The following SPATA13 variants were observed in gnomAD, a reference collection of about 807,000 sequenced individuals.
SPATA13 encodes the protein spermatogenesis-associated protein 13.
SPATA13 carries 50 observed loss-of-function variants against 104.0 expected under a neutral mutation model. The observed-to-expected ratio is 0.48, with a 90% CI of 0.38 to 0.61. The LOEUF (loss-of-function observed/expected upper bound fraction) is 0.61, where lower values mean the gene tolerates loss of function less well. Ranked by LOEUF, SPATA13 falls within the 20% of genes least tolerant of loss-of-function variation. SPATA13 has a pLI of 0.00. For synonymous variants in SPATA13, 606 were observed against 667.5 expected, an observed-to-expected ratio of 0.91 and a Z score of 1.42; for missense variants, 1,524 against 1,690.6, an observed-to-expected ratio of 0.90 and a Z score of 1.73.
intron 1 of SPATA13, among the ~76,000 whole-genome samples, chr13:24,168,325 A>G (rs138158099): frequency 5.3e-5 from 8 of 152,310 alleles, no homozygotes; most frequent in African/African-American, 1.9e-4. Flanking sequence ...AATTAATGAC[A>G]TACATGAAAA....
upstream of SPATA13, among the ~76,000 whole-genome samples, chr13:24,157,083 C>A (rs1220580): frequency 0.98 from 149,401 of 152,290 alleles, 73,361 homozygotes; most frequent in East Asian, 1. Flanking sequence ...TTCCCTAACC[C>A]GGTCTAGACC....
chr13:24,115,477 C>A (rs369701127), intron 3 of SPATA13, among the ~76,000 whole-genome samples: 1 of 152,226 alleles, frequency 6.6e-6, no homozygotes, highest in Non-Finnish European at 1.5e-5. Flanking sequence ...TATTGCAAAC[C>A]GCGCATGCGA....
intron 4 of SPATA13, among the ~76,000 whole-genome samples, chr13:24,269,786 G>C (rs1198954155): frequency 8.7e-6 from 1 of 115,590 alleles, no homozygotes; most frequent in Non-Finnish European, 1.7e-5. Flanking sequence ...ACAGGACCTT[G>C]CTATGTTGCC....
chr13:24,096,661 G>A (rs900014144), intron 3 of SPATA13, among the ~76,000 whole-genome samples: 1 of 152,080 alleles, frequency 6.6e-6, no homozygotes, highest in African/African-American at 2.4e-5. Flanking sequence ...CCACTAGGAT[G>A]AAGTGAGAAA....
At chr13:24,109,079 AG>A (rs1189882875) in intron 3 of SPATA13, among the ~76,000 whole-genome samples, 1 of 152,110 alleles carries the variant, frequency 6.6e-6, no homozygotes, top group East Asian at 1.9e-4. Flanking sequence ...CATTTACATT[AG>A]GTATTTCTCC....
intron 2 of SPATA13, among the ~76,000 whole-genome samples, chr13:23,991,172 A>G (rs1875395550): frequency 1.3e-5 from 2 of 152,178 alleles, no homozygotes; most frequent in Non-Finnish European, 2.9e-5. Flanking sequence ...GCTGGTGAGG[A>G]AGGGATGGAT....
intron 1 of SPATA13, among the ~76,000 whole-genome samples, chr13:24,170,163 T>A (rs1456824513): frequency 6.6e-6 from 1 of 152,218 alleles, no homozygotes; most frequent in Non-Finnish European, 1.5e-5. Context: ...TGCCTCAGTA[T>A]GTCTGATTTG....
At chr13:24,200,578 T>A (rs1175506471) in intron 1 of SPATA13, among the ~76,000 whole-genome samples, 1 of 151,958 alleles carries the variant, frequency 6.6e-6, no homozygotes, top group Non-Finnish European at 1.5e-5. Context: ...TCTTCTTTAT[T>A]GGTTTTCAAC....
intron 1 of SPATA13, among the ~76,000 whole-genome samples, chr13:24,175,694 G>T (rs1868396580): frequency 6.6e-6 from 1 of 152,180 alleles, no homozygotes; most frequent in African/African-American, 2.4e-5. Context: ...ATAAAAGCTA[G>T]GTTATTCATC....
chr13:24,040,323 C>T (rs950996046), intron 3 of SPATA13, among the ~76,000 whole-genome samples: 5 of 152,176 alleles, frequency 3.3e-5, no homozygotes, highest in African/African-American at 1.2e-4. Context: ...ATCAGGAAAT[C>T]AGTGGCTTGA....
rs948316149 is a variant in SPATA13, at chr13:24,306,627, G to T, written c.*3854G>T. 6.6e-6 allele frequency: 1 copy of T among 151,762 alleles called. No individual in the cohort carries two copies. The highest frequency in any genetic ancestry group is 1.5e-5 in the Non-Finnish European group (1 of 67,952). The allele number at this position is 151,762 out of a possible 1,614,324, so 9.4% of individuals were successfully genotyped here. Reference sequence around the variant, plus strand: ...TTGGAAAAATAAGTGGAACATGACTGATCTTGAAAAAAAAAGCAAAAGCTT... The same window carrying T: ...TTGGAAAAATAAGTGGAACATGACTTATCTTGAAAAAAAAAGCAAAAGCTT... On this transcript the variant is annotated 3_prime_UTR_variant, in exon 13 of 13. Coordinates refer to ENST00000382108, the MANE Select transcript of SPATA13 (RefSeq NM_001166271.3).
At chr13:23,984,677 C>T (rs1011275086) in intron 2 of SPATA13, among the ~76,000 whole-genome samples, 12 of 152,210 alleles carry the variant, frequency 7.9e-5, no homozygotes, top group African/African-American at 2.9e-4. Flanking sequence ...CCAAGGAACA[C>T]GGAAAGTGTT....
At chr13:24,145,222 A>G (rs1206929666) in intron 3 of SPATA13, among the ~76,000 whole-genome samples, 1 of 152,200 alleles carries the variant, frequency 6.6e-6, no homozygotes, top group Non-Finnish European at 1.5e-5. Flanking sequence ...TACTGCCCTG[A>G]AAGAATCTGA....
rs1468110365 is a variant in SPATA13 at position 24,001,693 on chromosome 13, G to T, written c.-146-15974G>T. Among the ~76,000 whole-genome samples, 4 of 152,014 alleles carry T rather than the reference G, an allele frequency of 2.6e-5. 1 individual carries two copies. The highest frequency in any genetic ancestry group is 2.6e-4 in the Admixed American group (4 of 15,274). ...GAGGGGTGAGGAGTTTTGGATACTG[G>T]CAGGGATGTTCAATGATGGCCGTGG... is the stretch of plus-strand genomic sequence containing the variant. On this transcript the variant is annotated intron_variant, in intron 2 of 14. Coordinates refer to the SPATA13 transcript ENST00000424834.
intron 1 of SPATA13, among the ~76,000 whole-genome samples, chr13:24,199,689 CTGT>C (rs1287937154): frequency 4.6e-5 from 7 of 152,266 alleles, no homozygotes; most frequent in African/African-American, 1.7e-4. Flanking sequence ...AGCTCTACTT[CTGT>C]TGTTTGCCTA....
At chr13:24,218,082 T>TA (rs1428367368) in intron 1 of SPATA13, among the ~76,000 whole-genome samples, 1 of 152,128 alleles carries the variant, frequency 6.6e-6, no homozygotes, top group African/African-American at 2.4e-5. Flanking sequence ...AGGCGTCCTG[T>TA]ATTAGGCACA....
chr13:24,060,572 A>C (rs553056351), intron 3 of SPATA13, among the ~76,000 whole-genome samples: 1 of 152,358 alleles, frequency 6.6e-6, no homozygotes, highest in Admixed American at 6.5e-5. Context: ...CAAAAGCAAA[A>C]ATTGACAAAT....
intron 2 of SPATA13, among the ~76,000 whole-genome samples, chr13:24,016,775 C>G (rs1182735990): frequency 6.6e-6 from 1 of 152,250 alleles, no homozygotes; most frequent in East Asian, 1.9e-4. Flanking sequence ...TGCCCCAGTT[C>G]AGCACTAGGG....
intron 2 of SPATA13, among the ~76,000 whole-genome samples, chr13:23,996,943 G>A (rs1007867827): frequency 2.7e-4 from 41 of 152,310 alleles, no homozygotes; most frequent in East Asian, 7.7e-4. Context: ...CTTGGAGGCA[G>A]GGGCTGCTTT....
Sources: gnomAD v4.1 joint callset for allele counts (sites outside exome capture counted in the v4.1 genomes callset) on GRCh38, gnomAD v4.1.1 for gene constraint, MANE v1.5 for transcripts, NCBI Gene and HGNC (gene_info 2026-07-23, HGNC 2026-07-21) for gene names.